CLVS1: variants seen among roughly 807,000 people sequenced by gnomAD.
The protein encoded by CLVS1 is clavesin-1.
CLVS1 carries 10 observed loss-of-function variants against 33.1 expected under a neutral mutation model. That is an observed-to-expected ratio of 0.30 (90% CI 0.19 to 0.51). The LOEUF is 0.51. Among genes scored for constraint, CLVS1 ranks in the 20% least tolerant of loss-of-function variants. The probability of loss-of-function intolerance (pLI) is 0.97; values close to 1 mark genes in which losing one functional copy is unlikely to be tolerated. For missense variants in CLVS1, 343 were observed against 433.4 expected (o/e 0.79, Z 1.85); for synonymous variants, 163 against 166.1 (o/e 0.98, Z 0.14).
chr8:61,350,785 C>T (rs79326694), intron 2 of CLVS1, among the ~76,000 whole-genome samples: 2,292 of 152,162 alleles, frequency 0.015, 50 homozygotes, highest in African/African-American at 0.052. Flanking sequence ...GTCACCCGCA[C>T]GGCAGCAGCA....
At chr8:61,251,980 G>A (rs1808959473) in intron 2 of CLVS1, among the ~76,000 whole-genome samples, 1 of 152,100 alleles carries the variant, frequency 6.6e-6, no homozygotes, top group South Asian at 2.1e-4. Context: ...GTTTGCTGTT[G>A]CTTCTCTAGT....
Position 61,329,203 on chromosome 8 carries a change from ATCTC to A in CLVS1, c.455+28944_455+28947del, listed in dbSNP as rs34303330. Among the ~76,000 whole-genome samples, 29 of 145,010 alleles carry A rather than the reference ATCTC, an allele frequency of 2.0e-4. 1 individual carries two copies. The highest frequency in any genetic ancestry group is 6.9e-4 in the Admixed American group (10 of 14,528). On this transcript the variant is annotated intron_variant, in intron 2 of 5. Coordinates refer to ENST00000325897, the MANE Select transcript of CLVS1 (RefSeq NM_173519.3). ...AGGCAGCATCTTCCTACCCCTCCTCATCTCTCTCTCTCTCTCTCTCTCTCTCATC... is the reference window on the plus strand; with the variant it reads ...AGGCAGCATCTTCCTACCCCTCCTCATCTCTCTCTCTCTCTCTCTCTCATC...
At chr8:61,299,117 A>C (rs1234632748) in intron 1 of CLVS1, among the ~76,000 whole-genome samples, 4 of 152,202 alleles carry the variant, frequency 2.6e-5, no homozygotes, top group African/African-American at 9.6e-5. Context: ...ATACTGGTGG[A>C]GGACTCCTGT....
the CLVS1 span, among the ~76,000 whole-genome samples, chr8:60,990,364 TA>T: frequency 1.3e-5 from 2 of 152,208 alleles, no homozygotes; most frequent in African/African-American, 2.4e-5. Flanking sequence ...TTTATGTTAT[TA>T]AAACAAAGCC....
chr8:61,237,310 T>C (rs1024991686), intron 2 of CLVS1, among the ~76,000 whole-genome samples: 8 of 151,844 alleles, frequency 5.3e-5, no homozygotes, highest in African/African-American at 1.7e-4. Context: ...AGGCCAGGCA[T>C]GGTGGTACGT....
intron 3 of CLVS1, among the ~76,000 whole-genome samples, chr8:61,379,462 C>T (rs1813779711): frequency 6.6e-6 from 1 of 151,780 alleles, no homozygotes; most frequent in African/African-American, 2.4e-5. Context: ...CCCAGACAGC[C>T]CAATCTTTAG....
At chr8:61,355,479 A>T (rs1812655267) in intron 2 of CLVS1, among the ~76,000 whole-genome samples, 1 of 152,020 alleles carries the variant, frequency 6.6e-6, no homozygotes, top group South Asian at 2.1e-4. Context: ...TTAGTTACAT[A>T]TGTATACATG....
chr8:60,970,198 T>G, the CLVS1 span, among the ~76,000 whole-genome samples: 1 of 152,268 alleles, frequency 6.6e-6, no homozygotes, highest in Admixed American at 6.5e-5. Context: ...TTTTCAACTC[T>G]GATTCTATGC....
chr8:61,130,115 G>A (rs1585631418), intron 1 of CLVS1, among the ~76,000 whole-genome samples: 3 of 152,176 alleles, frequency 2.0e-5, no homozygotes, highest in Admixed American at 1.3e-4. Flanking sequence ...GCACGTGCCT[G>A]TAGTCCCAGC....
chr8:61,105,861 G>A (rs770003003), intron 1 of CLVS1, among the ~76,000 whole-genome samples: 1 of 151,850 alleles, frequency 6.6e-6, no homozygotes, highest in Non-Finnish European at 1.5e-5. Flanking sequence ...ACTGCAACCC[G>A]TCACAGCCCA....
chr8:61,169,384 A>C (rs1043580941), intron 2 of CLVS1, among the ~76,000 whole-genome samples: 4 of 152,282 alleles, frequency 2.6e-5, no homozygotes, highest in East Asian at 1.9e-4. Context: ...TTATTTCCCC[A>C]AAAAATACAG....
chr8:61,069,188 G>A (rs990593044), intron 1 of CLVS1, among the ~76,000 whole-genome samples: 11 of 151,934 alleles, frequency 7.2e-5, no homozygotes, highest in African/African-American at 2.7e-4. Flanking sequence ...GCCTGCTCTC[G>A]AACTCCTGAC....
intron 2 of CLVS1, among the ~76,000 whole-genome samples, chr8:61,254,333 G>A (rs1286501287): frequency 6.6e-6 from 1 of 152,172 alleles, no homozygotes; most frequent in Non-Finnish European, 1.5e-5. Flanking sequence ...TGCCCCTACT[G>A]GGGGGTGCCT....
chr8:61,339,257 G>T (rs954483875), intron 2 of CLVS1, among the ~76,000 whole-genome samples: 2 of 152,100 alleles, frequency 1.3e-5, no homozygotes, highest in Non-Finnish European at 2.9e-5. Flanking sequence ...CCCCTTGCCT[G>T]CCCCGTCCCA....
intron 1 of CLVS1, among the ~76,000 whole-genome samples, chr8:61,291,772 A>C (rs1810000509): frequency 6.6e-6 from 1 of 152,090 alleles, no homozygotes; most frequent in Non-Finnish European, 1.5e-5. Flanking sequence ...AGAGTAATTA[A>C]CAGGGTGATC....
chr8:61,171,024 GT>G (rs1019747488), intron 2 of CLVS1, among the ~76,000 whole-genome samples: 48 of 151,284 alleles, frequency 3.2e-4, no homozygotes, highest in South Asian at 4.2e-4. Flanking sequence ...ATATTAGTAG[GT>G]TTTTTTTTCT....
the CLVS1 span, among the ~76,000 whole-genome samples, chr8:60,996,809 G>A: frequency 6.6e-6 from 1 of 152,052 alleles, no homozygotes; most frequent in African/African-American, 2.4e-5. Flanking sequence ...AGCCCTGCGC[G>A]ATTGCCTGCA....
intron 2 of CLVS1, among the ~76,000 whole-genome samples, chr8:61,170,752 G>A (rs567629012): frequency 3.1e-4 from 47 of 152,264 alleles, no homozygotes; most frequent in African/African-American, 1.1e-3. Context: ...ATAATAGCAA[G>A]TATTCCAAAA....
chr8:61,400,028 C>T (rs1669431817), intron 3 of CLVS1, among the ~76,000 whole-genome samples: 1 of 152,060 alleles, frequency 6.6e-6, no homozygotes, highest in South Asian at 2.1e-4. Flanking sequence ...GCATTTTTTG[C>T]TTCCATATGA....
Sources: gnomAD v4.1 joint callset for allele counts (sites outside exome capture counted in the v4.1 genomes callset) on GRCh38, gnomAD v4.1.1 for gene constraint, MANE v1.5 for transcripts, NCBI Gene and HGNC (gene_info 2026-07-23, HGNC 2026-07-21) for gene names.